The following ARMC8 variants were observed in gnomAD, a reference collection of about 807,000 sequenced individuals.
ARMC8 encodes the protein armadillo repeat-containing protein 8.
A neutral mutation model predicts 99.3 loss-of-function variants in ARMC8; 20 were observed. The observed-to-expected ratio is 0.20, with a 90% CI of 0.14 to 0.29. ARMC8 has a LOEUF of 0.29. Ranked by LOEUF, ARMC8 falls within the 10% of genes least tolerant of loss-of-function variation. The pLI is 1.00. For synonymous variants in ARMC8, 263 were observed against 278.3 expected (o/e 0.95, Z 0.55); for missense variants, 569 against 809.5 (o/e 0.70, Z 3.60).
Position 138,241,735 on chromosome 3 carries a change from G to A in ARMC8, c.838-48G>A, listed in dbSNP as rs1423511362. Reference sequence around the variant, plus strand: ...GTTGATTCAGTCACTATATGCTTAAGCTTTTACCTTTACCAAAAAGCAAAT... The same window carrying A: ...GTTGATTCAGTCACTATATGCTTAAACTTTTACCTTTACCAAAAAGCAAAT... On this transcript the variant is annotated intron_variant, in intron 10 of 21. Transcript: ENST00000469044. The A allele has an allele frequency of 1.9e-6, 3 of 1,547,612 alleles. No individual in the cohort carries two copies. The South Asian group carries it at 3.4e-5, about 17-fold the overall frequency.
chr3:138,232,756 A>G (rs2046121516), intron 6 of ARMC8, among the ~76,000 whole-genome samples: 1 of 152,188 alleles, frequency 6.6e-6, no homozygotes, highest in Non-Finnish European at 1.5e-5. Context: ...AAAATGGGGG[A>G]AGAATATATT....
At chr3:138,270,469 T>G (rs2108295724) in intron 16 of ARMC8, among the ~76,000 whole-genome samples, 1 of 152,344 alleles carries the variant, frequency 6.6e-6, no homozygotes, top group South Asian at 2.1e-4. Context: ...TCATATCTCC[T>G]TTGCTCTTCA....
At chr3:138,276,205 G>A (rs1324793686) in intron 18 of ARMC8, among the ~76,000 whole-genome samples, 1 of 152,204 alleles carries the variant, frequency 6.6e-6, no homozygotes, top group African/African-American at 2.4e-5. Context: ...AGGCTAAACA[G>A]TCGGCTCACT....
At chr3:138,255,843 G>A (rs939530820) in intron 12 of ARMC8, among the ~76,000 whole-genome samples, 2 of 152,196 alleles carry the variant, frequency 1.3e-5, no homozygotes, top group African/African-American at 4.8e-5. Flanking sequence ...AGCTGGGCGT[G>A]GTGGCATGCA....
At chr3:138,273,762 CTG>C (rs1450276049) in intron 17 of ARMC8, among the ~76,000 whole-genome samples, 1 of 151,788 alleles carries the variant, frequency 6.6e-6, no homozygotes, top group Non-Finnish European at 1.5e-5. Flanking sequence ...GAAATCTACA[CTG>C]TGTTTTCCAT....
chr3:138,245,421 T>C (rs139183585), intron 12 of ARMC8: 2 of 1,384,588 alleles, frequency 1.4e-6, no homozygotes, highest in African/African-American at 2.9e-5. Flanking sequence ...TGCTTTTTTT[T>C]TGTGTCATTA....
rs1339643773 is a variant in ARMC8, at chr3:138,248,340, A to G, written c.1134+3157A>G. 3.3e-5 allele frequency among the ~76,000 whole-genome samples: 5 copies of G among 152,358 alleles called. No homozygotes were observed. The East Asian group carries it at 7.7e-4, about 23-fold the overall frequency. ...GAGCATAGGCAGGAATTGAGAGCTCAGTGGAAGAAGGGTCCAGAACACATT... is the reference window on the plus strand; with the variant it reads ...GAGCATAGGCAGGAATTGAGAGCTCGGTGGAAGAAGGGTCCAGAACACATT... On this transcript the variant is annotated intron_variant, in intron 12 of 21. Transcript: ENST00000469044.
chr3:138,286,427 T>G (rs1254157486), intron 19 of ARMC8, among the ~76,000 whole-genome samples: 1 of 152,148 alleles, frequency 6.6e-6, no homozygotes, highest in Non-Finnish European at 1.5e-5. Context: ...CTTACCCCAC[T>G]TACAGCAGAC....
chr3:138,295,785 A>G (rs2051434068), intron 21 of ARMC8, 74 bp from the exon 22 acceptor site: 3 of 1,542,138 alleles, frequency 1.9e-6, no homozygotes, highest in Admixed American at 1.7e-5. Context: ...CCCAGCTATC[A>G]TCATTGAACC....
At chr3:138,197,687 T>G (rs2043815828) in intron 1 of ARMC8, among the ~76,000 whole-genome samples, 1 of 152,196 alleles carries the variant, frequency 6.6e-6, no homozygotes, top group Non-Finnish European at 1.5e-5. Flanking sequence ...TTGCATGTGC[T>G]TTCCAGAGAT....
Position 138,205,060 on chromosome 3 carries a change from C to CTTTTTT in ARMC8, c.46-4736_46-4731dup, listed in dbSNP as rs71146118. 7.2e-3 allele frequency among the ~76,000 whole-genome samples: 669 copies of CTTTTTT among 93,278 alleles called. 14 individuals carry two copies. Among genetic ancestry groups the CTTTTTT allele is most frequent in the Non-Finnish European group, 7.5e-3 (361 of 47,818 alleles). The allele number at this position is 93,278 out of a possible 152,430, so 61.2% of individuals were successfully genotyped here. On this transcript the variant is annotated intron_variant, in intron 1 of 21. Coordinates refer to ENST00000469044, the MANE Select transcript of ARMC8 (RefSeq NM_001363941.2). ...AACTCAGTCTCTTTTCTTTTCTTTTCTTTTTTTTTTTTTTTTTTTTTTTTT... is the reference window on the plus strand; with the variant it reads ...AACTCAGTCTCTTTTCTTTTCTTTTCTTTTTTTTTTTTTTTTTTTTTTTTTTTTTTT...
chr3:138,264,086 A>G, intron 13 of ARMC8, 45 bp from the exon 14 acceptor site: 1 of 1,555,548 alleles, frequency 6.4e-7, no homozygotes, highest in Non-Finnish European at 8.9e-7. Context: ...TTGAAAAGTA[A>G]AAGTTTTGAT....
chr3:138,269,831 T>G, intron 15 of ARMC8, among the ~76,000 whole-genome samples: 1 of 151,038 alleles, frequency 6.6e-6, no homozygotes, highest in African/African-American at 2.4e-5. Context: ...TTTTTTTTTT[T>G]TTTTTTTGGC....
intron 1 of ARMC8, among the ~76,000 whole-genome samples, chr3:138,198,868 A>T (rs1406845310): frequency 1.3e-5 from 2 of 152,034 alleles, no homozygotes; most frequent in African/African-American, 4.8e-5. Context: ...TGATTAATTT[A>T]CTATTTATTT....
intron 18 of ARMC8, among the ~76,000 whole-genome samples, chr3:138,278,868 A>C (rs2049578282): frequency 1.3e-5 from 2 of 152,196 alleles, no homozygotes; most frequent in African/African-American, 4.8e-5. Flanking sequence ...AGTATATGGT[A>C]ATAAAATTTT....
intron 1 of ARMC8, among the ~76,000 whole-genome samples, chr3:138,188,855 CT>C (rs964672133): frequency 1.4e-4 from 22 of 152,260 alleles, no homozygotes; most frequent in African/African-American, 4.6e-4. Flanking sequence ...GATTTTTCCC[CT>C]GATCCATTTT....
chr3:138,217,869 A>G, intron 2 of ARMC8, among the ~76,000 whole-genome samples: 1 of 152,218 alleles, frequency 6.6e-6, no homozygotes, highest in South Asian at 2.1e-4. Flanking sequence ...ATGTGCCCAG[A>G]CATGAAGTAG....
At chr3:138,238,067 GT>G (rs530589600) in intron 9 of ARMC8, 89 of 140,358 alleles carry the variant, frequency 6.3e-4, no homozygotes, top group African/African-American at 7.2e-4. Flanking sequence ...TTATGCAAAG[GT>G]TTTTTTTTTT....
intron 1 of ARMC8, among the ~76,000 whole-genome samples, chr3:138,199,924 CAG>C (rs911147042): frequency 6.6e-6 from 1 of 152,092 alleles, no homozygotes; most frequent in African/African-American, 2.4e-5. Context: ...TTGGAGGTAT[CAG>C]AAAATCAAAT....
Sources: gnomAD v4.1 joint callset for allele counts (sites outside exome capture counted in the v4.1 genomes callset) on GRCh38, gnomAD v4.1.1 for gene constraint, MANE v1.5 for transcripts, NCBI Gene and HGNC (gene_info 2026-07-23, HGNC 2026-07-21) for gene names.